Variants in ABAT observed in about 807,000 individuals in gnomAD.
The protein encoded by ABAT is 4-aminobutyrate aminotransferase, mitochondrial.
In ABAT, 45 loss-of-function variants were observed where a neutral mutation model predicts 64.6. That is an observed-to-expected ratio of 0.70 (90% confidence interval 0.55 to 0.89). The LOEUF (loss-of-function observed/expected upper bound fraction) is 0.89. ABAT is among the 40% of genes least tolerant of loss of function. ABAT has a pLI of 0.00. For missense variants in ABAT, 633 were observed against 658.4 expected (o/e 0.96, Z 0.42); for synonymous variants, 297 against 250.5 (o/e 1.19, Z -1.75).
At chr16:8,745,073 C>G (rs950835874) in intron 2 of ABAT, among the ~76,000 whole-genome samples, 6 of 152,078 alleles carry the variant, frequency 3.9e-5, no homozygotes, top group African/African-American at 1.4e-4. Context: ...GCCTCAACCT[C>G]TCAGGCTGAA....
chr16:8,689,416 C>G (rs2141965592), intron 1 of ABAT, among the ~76,000 whole-genome samples: 1 of 152,194 alleles, frequency 6.6e-6, no homozygotes, highest in Non-Finnish European at 1.5e-5. Context: ...CCTCGTTGCC[C>G]TCTAAAGAGA....
intron 12 of ABAT, among the ~76,000 whole-genome samples, chr16:8,773,642 C>G (rs930937562): frequency 2.0e-5 from 3 of 152,314 alleles, no homozygotes; most frequent in Admixed American, 6.5e-5. Flanking sequence ...CTACTGGACA[C>G]TAGATCTTAT....
intron 1 of ABAT, among the ~76,000 whole-genome samples, chr16:8,723,527 G>A (rs77695164): frequency 0.011 from 1,688 of 152,202 alleles, 27 homozygotes; most frequent in African/African-American, 0.037. Context: ...GAAATCTCCA[G>A]GGATCTCAGA....
chr16:8,735,773 T>G lies in ABAT; in HGVS notation c.34T>G (p.Cys12Gly). 1 of 1,608,074 alleles carries G rather than the reference T, an allele frequency of 6.2e-7. No homozygotes were observed. The highest frequency in any genetic ancestry group is 1.1e-5 in the South Asian group (1 of 89,570). Reference sequence around the variant, plus strand: ...CATGTTGCTCGCCCAGCGCCTGGCCTGCAGCTTCCAGCACAGCTACCGCCT... The same window carrying G: ...CATGTTGCTCGCCCAGCGCCTGGCCGGCAGCTTCCAGCACAGCTACCGCCT... ...ASMLLAQRLA[C>G]SFQHSYRLLV... Residue 12 changes from cysteine to glycine, a missense_variant, in exon 2 of 16, where the codon TGC (cysteine) becomes GGC (glycine). Cys to Gly is a radical substitution (Grantham distance 159). Coordinates refer to ENST00000268251, the MANE Select transcript of ABAT (RefSeq NM_020686.6).
At chr16:8,738,138 T>C (rs956388251) in intron 2 of ABAT, among the ~76,000 whole-genome samples, 3 of 151,070 alleles carry the variant, frequency 2.0e-5, no homozygotes, top group African/African-American at 7.3e-5. Context: ...CTGGGCAACA[T>C]AGGGAGACCC....
intron 1 of ABAT, among the ~76,000 whole-genome samples, chr16:8,721,309 G>A (rs2058363818): frequency 6.6e-6 from 1 of 152,112 alleles, no homozygotes; most frequent in African/African-American, 2.4e-5. Flanking sequence ...TCCAGTTCCA[G>A]GGATTTGAGG....
At chr16:8,680,958 C>A (rs2057318653) in intron 1 of ABAT, among the ~76,000 whole-genome samples, 1 of 147,656 alleles carries the variant, frequency 6.8e-6, no homozygotes, top group Non-Finnish European at 1.5e-5. Flanking sequence ...CTTCTTTTCT[C>A]TTTTTCTTTT....
chr16:8,719,766 G>A (rs375409388), intron 1 of ABAT, among the ~76,000 whole-genome samples: 2 of 147,740 alleles, frequency 1.4e-5, no homozygotes, highest in African/African-American at 2.5e-5. Flanking sequence ...GGAGGAGGAG[G>A]AGGAGAAGGA....
At chr16:8,724,746 C>CAA (rs869130725) in intron 1 of ABAT, among the ~76,000 whole-genome samples, 9 of 6,594 alleles carry the variant, frequency 1.4e-3, no homozygotes, top group African/African-American at 3.1e-3. Context: ...AAAAAAAAAA[C>CAA]AAAAAAAAAA....
At chr16:8,726,529 G>A (rs897886868) in intron 1 of ABAT, among the ~76,000 whole-genome samples, 1 of 152,282 alleles carries the variant, frequency 6.6e-6, no homozygotes, top group South Asian at 2.1e-4. Flanking sequence ...ACAGGTGTGA[G>A]CCACTGCGCT....
rs1489216976 is a variant in ABAT at position 8,714,347 on chromosome 16, A to G, written c.-41-21352A>G. Among the ~76,000 whole-genome samples the G allele has an allele frequency of 4.6e-5, 7 of 152,312 alleles. No homozygotes were observed. The East Asian group carries it at 1.2e-3, about 25-fold the overall frequency. On this transcript the variant is annotated intron_variant, in intron 1 of 15. Transcript: ENST00000268251. ...ACACACCCCTTTCTCTTTGAAACTC[A>G]GGGGAATGGAAGGCTCAGGGGGCGC... is the stretch of plus-strand genomic sequence containing the variant.
chr16:8,694,992 GGCCCAGCT>G (rs2057670184), intron 1 of ABAT, among the ~76,000 whole-genome samples: 1 of 152,228 alleles, frequency 6.6e-6, no homozygotes, highest in African/African-American at 2.4e-5. Flanking sequence ...TTGATTGTCA[GGCCCAGCT>G]GGCAGCATTC....
chr16:8,780,258 G>A (rs1386366980), intron 15 of ABAT: 5 of 172,610 alleles, frequency 2.9e-5, no homozygotes, highest in Admixed American at 2.7e-4. Context: ...ATCAGGCTTA[G>A]CACTCCAGAC....
At chr16:8,749,251 C>A (rs967689084) in intron 4 of ABAT, among the ~76,000 whole-genome samples, 4 of 151,696 alleles carry the variant, frequency 2.6e-5, no homozygotes, top group African/African-American at 9.7e-5. Flanking sequence ...CCACACCCAG[C>A]TAATTTTTTT....
chr16:8,694,877 C>T (rs1041648269), intron 1 of ABAT, among the ~76,000 whole-genome samples: 7 of 152,260 alleles, frequency 4.6e-5, no homozygotes, highest in South Asian at 2.1e-4. Context: ...GAAGGCAGGC[C>T]GCCGCATCCT....
chr16:8,774,816 G>A, intron 12 of ABAT, 74 bp from the exon 13 acceptor site: 1 of 1,586,288 alleles, frequency 6.3e-7, no homozygotes, highest in Non-Finnish European at 8.6e-7. Flanking sequence ...TTGGCAGTTA[G>A]CTGGCTATGG....
chr16:8,694,741 G>A (rs2057663662), intron 1 of ABAT, among the ~76,000 whole-genome samples: 1 of 152,156 alleles, frequency 6.6e-6, no homozygotes, highest in African/African-American at 2.4e-5. Flanking sequence ...GAAAAAAGCG[G>A]CTCAAATTCC....
At chr16:8,697,883 T>G (rs2057738577) in intron 1 of ABAT, among the ~76,000 whole-genome samples, 1 of 152,162 alleles carries the variant, frequency 6.6e-6, no homozygotes, top group Admixed American at 6.5e-5. Flanking sequence ...GTGATCCACC[T>G]GCGTCAGCCT....
At chr16:8,738,510 A>T in intron 2 of ABAT, 1 of 453,558 alleles carries the variant, frequency 2.2e-6, no homozygotes, top group South Asian at 1.6e-5. Context: ...GGTCTGTGAC[A>T]GTTTCTCAGT....
Sources: gnomAD v4.1 joint callset for allele counts (sites outside exome capture counted in the v4.1 genomes callset) on GRCh38, gnomAD v4.1.1 for gene constraint, MANE v1.5 for transcripts, NCBI Gene and HGNC (gene_info 2026-07-23, HGNC 2026-07-21) for gene names.